Variants in TTC3 observed in about 807,000 individuals in gnomAD.
TTC3 encodes tetratricopeptide repeat domain 3.
A neutral mutation model predicts 249.6 loss-of-function variants in TTC3; 180 were observed. That is an observed-to-expected ratio of 0.72 (90% CI 0.64 to 0.82). The LOEUF is 0.82. TTC3 is among the 40% of genes least tolerant of loss of function. The pLI, the probability that TTC3 is intolerant of heterozygous loss-of-function variation, is 0.00. For synonymous variants in TTC3, 717 were observed against 805.0 expected, an observed-to-expected ratio of 0.89 and a Z score of 1.85; for missense variants, 2,061 against 2,398.4, an observed-to-expected ratio of 0.86 and a Z score of 2.94.
intron 17 of TTC3, among the ~76,000 whole-genome samples, chr21:37,133,751 AGAC>A (rs1217495380): frequency 6.6e-6 from 1 of 152,196 alleles, no homozygotes; most frequent in Non-Finnish European, 1.5e-5. Flanking sequence ...TCTGATTTCT[AGAC>A]TGATAAAGAA....
At chr21:37,076,766 G>C (rs1031185373) in intron 1 of TTC3, among the ~76,000 whole-genome samples, 1 of 137,940 alleles carries the variant, frequency 7.2e-6, no homozygotes, top group Non-Finnish European at 1.5e-5. Context: ...GCAATGGCAC[G>C]ATCTCGGCTC....
intron 38 of TTC3, 141 bp from the exon 39 acceptor site, chr21:37,188,354 A>T (rs1859788485): frequency 1.7e-6 from 1 of 593,182 alleles, no homozygotes; most frequent in African/African-American, 1.9e-5. Context: ...TTCACCTATG[A>T]TACAATCAAG....
rs1409071436 is a variant in TTC3, at chr21:37,096,569, T to C, written c.783-12T>C. The C allele has an allele frequency of 1.3e-6, 2 of 1,599,394 alleles. No individual in the cohort carries two copies. Among genetic ancestry groups the C allele is most frequent in the South Asian group, 1.1e-5 (1 of 89,530 alleles). The stretch of plus-strand genomic sequence containing the variant: ...AATGTGCTTTACTGACTAAACATTG[T>C]ATCTTTTTAAGACCTGAAAACTACC... On this transcript the variant is annotated splice_polypyrimidine_tract_variant and intron_variant, in intron 9 of 45. Coordinates refer to ENST00000355666, the Ensembl canonical transcript of TTC3.
At chr21:37,167,677 A>C in intron 34 of TTC3, 57 bp downstream of exon 34, 1 of 1,358,806 alleles carries the variant, frequency 7.4e-7, no homozygotes, top group Non-Finnish European at 1.0e-6. Context: ...ATTTATCTAG[A>C]TGGAATGATG....
At position 37,197,557 on chromosome 21, in the gene TTC3, C is replaced by T. The variant is rs1452916565; in HGVS notation, c.5580-13C>T. On this transcript the variant is annotated splice_polypyrimidine_tract_variant and intron_variant, in intron 42 of 45. Coordinates refer to ENST00000355666, the Ensembl canonical transcript of TTC3. ...ACTTTCTGTTGTCATTCATCACTCA[C>T]TCTCCCTTTCAGCACTGAGCTTGCT... The T allele has an allele frequency of 1.2e-6, 2 of 1,611,734 alleles. No homozygotes were observed. The highest frequency in any genetic ancestry group is 1.7e-6 in the Non-Finnish European group (2 of 1,179,848).
intron 1 of TTC3, among the ~76,000 whole-genome samples, chr21:37,077,095 A>T (rs975300966): frequency 8.2e-6 from 1 of 121,866 alleles, no homozygotes; most frequent in African/African-American, 2.8e-5. Flanking sequence ...TTTCCAATAA[A>T]GTTGCTTTTT....
chr21:37,160,088 T>G (rs1253111622), intron 29 of TTC3, among the ~76,000 whole-genome samples: 1 of 152,206 alleles, frequency 6.6e-6, no homozygotes. Context: ...AATGTTCTGC[T>G]CTAGAAGGAA....
chr21:37,151,060 G>T (rs572912012), intron 25 of TTC3, among the ~76,000 whole-genome samples, 176 bp downstream of exon 25: 61 of 152,090 alleles, frequency 4.0e-4, no homozygotes, highest in African/African-American at 1.3e-3. Flanking sequence ...AACTAGCCTA[G>T]AATGATTAAA....
At chr21:37,146,993 A>G (rs2079039620) in intron 21 of TTC3, among the ~76,000 whole-genome samples, 1 of 152,210 alleles carries the variant, frequency 6.6e-6, no homozygotes, top group Non-Finnish European at 1.5e-5. Flanking sequence ...TGGGGGCTTC[A>G]TTAGCAGTGG....
At chr21:37,167,293 T>C (rs915139471) in intron 33 of TTC3, among the ~76,000 whole-genome samples, 2 of 152,194 alleles carry the variant, frequency 1.3e-5, no homozygotes, top group African/African-American at 4.8e-5. Flanking sequence ...ATTAAATCCT[T>C]ATTGAATTGC....
chr21:37,183,610 T>C (rs2082954818), intron 36 of TTC3, among the ~76,000 whole-genome samples: 1 of 152,178 alleles, frequency 6.6e-6, no homozygotes, highest in South Asian at 2.1e-4. Context: ...GGAGTCCTCA[T>C]GTGGCTGAAT....
chr21:37,101,797 A>G (rs544581020), intron 10 of TTC3, among the ~76,000 whole-genome samples: 140 of 151,616 alleles, frequency 9.2e-4, no homozygotes, highest in African/African-American at 3.1e-3. Context: ...TTTACATTTA[A>G]GTCTTGGAGC....
Position 37,126,159 on chromosome 21 carries a change from A to G in TTC3, c.1297+16A>G, listed in dbSNP as rs1449032592. ...CCACCATCAAGTGAGTATTGTTTTT[A>G]TATCAATTGTTGCCAAGTTAATATA... On this transcript the variant is annotated intron_variant, in intron 15 of 45. Transcript: ENST00000355666. The G allele has an allele frequency of 1.2e-6, 2 of 1,606,566 alleles. No individual in the cohort carries two copies. Among genetic ancestry groups the G allele is most frequent in the Non-Finnish European group, 1.7e-6 (2 of 1,177,466 alleles).
chr21:37,168,707 G>A (rs146071988), intron 34 of TTC3, among the ~76,000 whole-genome samples: 3 of 142,066 alleles, frequency 2.1e-5, no homozygotes, highest in East Asian at 2.1e-4. Flanking sequence ...GTATATTGCT[G>A]TATATATAAC....
At chr21:37,122,823 A>T (rs1336905842) in intron 12 of TTC3, among the ~76,000 whole-genome samples, 160 bp from the exon 13 acceptor site, 1 of 152,208 alleles carries the variant, frequency 6.6e-6, no homozygotes, top group East Asian at 1.9e-4. Context: ...ACCATCCTAA[A>T]ACTAAAGACA....
intron 30 of TTC3, 105 bp from the exon 31 acceptor site, chr21:37,161,885 A>G (rs375640095): frequency 4.7e-5 from 33 of 700,386 alleles, no homozygotes; most frequent in South Asian, 4.1e-4. Context: ...TATATCAGCA[A>G]TTTGTATGTG....
intron 39 of TTC3, 55 bp downstream of exon 39, chr21:37,188,650 C>G (rs2083593497): frequency 1.0e-5 from 14 of 1,363,528 alleles, no homozygotes; most frequent in Non-Finnish European, 4.1e-6. Context: ...AAAGCTAGGA[C>G]CATTTGAGAA....
intron 6 of TTC3, 98 bp downstream of exon 6, chr21:37,090,384 T>G (rs1164626150): frequency 1.7e-6 from 2 of 1,156,814 alleles, no homozygotes; most frequent in Non-Finnish European, 2.5e-6. Flanking sequence ...CACTCAATGT[T>G]CTATATGTGG....
intron 16 of TTC3, among the ~76,000 whole-genome samples, chr21:37,132,222 A>G (rs760080122): frequency 6.6e-6 from 1 of 152,146 alleles, no homozygotes; most frequent in Non-Finnish European, 1.5e-5. Flanking sequence ...GCCAACTTGT[A>G]TGGCTCACCA....
Sources: allele counts gnomAD v4.1 joint callset (sites outside exome capture counted in the v4.1 genomes callset), GRCh38; gene constraint gnomAD v4.1.1; transcripts MANE v1.5; gene names NCBI Gene and HGNC (gene_info 2026-07-23, HGNC 2026-07-21).